WDR62: variants seen among roughly 807,000 people sequenced by gnomAD.
WDR62 encodes WD repeat domain 62.
A neutral mutation model predicts 160.6 loss-of-function variants in WDR62; 112 were observed. The ratio of observed to expected loss-of-function variants is 0.70; its 90% confidence interval spans 0.60 to 0.82. WDR62 has a LOEUF of 0.82. Among genes scored for constraint, WDR62 ranks in the 40% least tolerant of loss-of-function variants. The pLI is 0.00. For synonymous variants in WDR62, 792 were observed against 815.1 expected, an observed-to-expected ratio of 0.97 and a Z score of 0.48; for missense variants, 1,819 against 1,983.8, an observed-to-expected ratio of 0.92 and a Z score of 1.58.
rs371325489 is a variant in WDR62 at position 36,104,540 on chromosome 19, C to G, written c.4176C>G (p.Gly1392=). The change falls in exon 31 of 32, where the codon GGC becomes GGG. Residue 1392 remains glycine, a synonymous_variant. Transcript: ENST00000401500. ...PTSGALGLLQ[G]SPARWSEPWV... ...CAGGTGCACTTGGTCTGTTACAGGG[C>G]AGCCCTGCCCGCTGGAGTGAGCCCT... The G allele has an allele frequency of 6.2e-7, 1 of 1,613,786 alleles. No individual in the cohort carries two copies. Among genetic ancestry groups the G allele is most frequent in the Non-Finnish European group, 8.5e-7 (1 of 1,180,000 alleles).
At chr19:36,103,312 G>A in intron 29 of WDR62, 31 bp from the exon 30 acceptor site, 2 of 1,613,134 alleles carry the variant, frequency 1.2e-6, no homozygotes, top group Non-Finnish European at 8.5e-7. Context: ...GTTCTGTGTG[G>A]TGGAGTCAGT....
chr19:36,074,161 G>A (rs1259738735), intron 9 of WDR62: 1 of 215,746 alleles, frequency 4.6e-6, no homozygotes, highest in Non-Finnish European at 9.4e-6. Context: ...AGCCAGGCAT[G>A]GTAGCACACA....
intron 3 of WDR62, among the ~76,000 whole-genome samples, chr19:36,064,547 G>A (rs1489262099): frequency 6.6e-6 from 1 of 151,866 alleles, no homozygotes; most frequent in East Asian, 1.9e-4. Context: ...CCAAAGTGCT[G>A]GGATTACAGG....
At position 36,079,950 on chromosome 19, in the gene WDR62, C is replaced by T. The variant is rs118013356; in HGVS notation, c.1234-1483C>T. Among the ~76,000 whole-genome samples the T allele has an allele frequency of 4.6e-5, 7 of 152,250 alleles. No individual in the cohort carries two copies. In the East Asian group the frequency reaches 1.2e-3, roughly 25 times the overall value. On this transcript the variant is annotated intron_variant, in intron 9 of 31. Transcript: ENST00000401500. ...TTAAAAAAATTAATGCCGCTACTAT[C>T]ATCTTCCCAGTTCTCAATCTTCCGT...
At chr19:36,059,751 C>G (rs529750677) in intron 2 of WDR62, among the ~76,000 whole-genome samples, 1 of 152,324 alleles carries the variant, frequency 6.6e-6, no homozygotes, top group South Asian at 2.1e-4. Context: ...GCCTGACAGA[C>G]ATTACCTCAG....
chr19:36,069,174 A>C (rs1179514165), intron 7 of WDR62, among the ~76,000 whole-genome samples: 1 of 136,500 alleles, frequency 7.3e-6, no homozygotes, highest in African/African-American at 3.2e-5. Flanking sequence ...GCGGGGGCTG[A>C]CCCCCACCTC....
chr19:36,110,761 G>T, the WDR62 span, among the ~76,000 whole-genome samples: 1 of 152,160 alleles, frequency 6.6e-6, no homozygotes, highest in Non-Finnish European at 1.5e-5. Flanking sequence ...ACAGCAGGGG[G>T]CCCCTTCAGT....
rs1971406975 is a variant in WDR62 at position 36,073,453 on chromosome 19, C to G, written c.1155C>G (p.Ile385Met). Residue 385 changes from isoleucine to methionine, a missense_variant, in exon 9 of 32, where the codon ATC (isoleucine) becomes ATG (methionine). Transcript: ENST00000401500. ...SCVYKDHSIY[I>M]WDVKDINRVG... is the part of the protein sequence containing the mutation. ...TGTATAAGGACCACAGCATCTACAT[C>G]TGGGATGTCAAGGACATCAACAGAG... 2 of 1,614,106 alleles carry G rather than the reference C, an allele frequency of 1.2e-6. No individual in the cohort carries two copies. Among genetic ancestry groups the G allele is most frequent in the Non-Finnish European group, 1.7e-6 (2 of 1,180,004 alleles).
At chr19:36,068,208 C>G (rs981726946) in intron 7 of WDR62, among the ~76,000 whole-genome samples, 198 bp downstream of exon 7, 2 of 152,160 alleles carry the variant, frequency 1.3e-5, no homozygotes, top group Non-Finnish European at 2.9e-5. Flanking sequence ...AAGGAAGTCA[C>G]GTGAGATAAC....
rs201531251 is a variant in WDR62, at chr19:36,103,933, C to T, written c.4105C>T (p.Arg1369Trp). The T allele has an allele frequency of 1.3e-5, 21 of 1,598,942 alleles. No homozygotes were observed. Among genetic ancestry groups the T allele is most frequent in the African/African-American group, 6.7e-5 (5 of 74,924 alleles). The change falls in exon 30 of 32, where the codon CGG becomes TGG. Residue 1369 changes from arginine to tryptophan, a missense_variant. By Grantham distance (101) the Arg-to-Trp change is moderately radical (BLOSUM62 -3). Coordinates refer to ENST00000401500, the MANE Select transcript of WDR62 (RefSeq NM_001083961.2). ...HPSNPQLPEA[R>W]PGIPGGTASL... The stretch of plus-strand genomic sequence containing the variant: ...CAGTAACCCCCAGCTTCCAGAGGCC[C>T]GGCCTGGCATCCCTGGCGGCACTGC...
chr19:36,093,937 A>G (rs985805705), intron 19 of WDR62, 94 bp from the exon 20 acceptor site: 1 of 1,504,608 alleles, frequency 6.6e-7, no homozygotes, highest in South Asian at 1.1e-5. Flanking sequence ...ATATGTTCAC[A>G]TGGAGCTTAG....
intron 12 of WDR62, 60 bp from the exon 13 acceptor site, chr19:36,086,627 C>T: frequency 6.4e-7 from 1 of 1,556,080 alleles, no homozygotes; most frequent in African/African-American, 1.4e-5. Context: ...CACTGCCCTT[C>T]TGGGAGGCCA....
intron 19 of WDR62, among the ~76,000 whole-genome samples, 161 bp downstream of exon 19, chr19:36,092,972 A>G (rs1972724920): frequency 6.6e-6 from 1 of 152,170 alleles, no homozygotes; most frequent in African/African-American, 2.4e-5. Context: ...CAGTTACAGT[A>G]ATAGATACAA....
downstream of WDR62, among the ~76,000 whole-genome samples, chr19:36,106,631 T>G (rs1973720417): frequency 6.6e-6 from 1 of 152,096 alleles, no homozygotes; most frequent in Admixed American, 6.6e-5. Context: ...GCACAGCCAG[T>G]GCACAGGCCT....
At chr19:36,102,449 A>G in intron 26 of WDR62, 1 of 581,344 alleles carries the variant, frequency 1.7e-6, no homozygotes, top group South Asian at 2.0e-5. Flanking sequence ...TTTAGTAGAG[A>G]TGAGGTTTCA....
chr19:36,067,781 G>A (rs770007984), intron 6 of WDR62, 47 bp from the exon 7 acceptor site: 2 of 1,603,362 alleles, frequency 1.2e-6, no homozygotes, highest in Admixed American at 1.7e-5. Context: ...GTCATGCAGG[G>A]CCCAGCTGTG....
intron 1 of WDR62, 52 bp downstream of exon 1, chr19:36,055,200 C>G: frequency 1.9e-6 from 3 of 1,556,670 alleles, no homozygotes; most frequent in Non-Finnish European, 2.6e-6. Flanking sequence ...CTAGGTTTCC[C>G]CTAGTCCCGT....
intron 5 of WDR62, 28 bp from the exon 6 acceptor site, chr19:36,067,278 A>T (rs370328817): frequency 2.5e-5 from 40 of 1,613,868 alleles, no homozygotes; most frequent in Non-Finnish European, 3.0e-5. Context: ...GAGTGCTGGC[A>T]TGAGCTTCTC....
At chr19:36,064,252 G>A (rs2145565611) in intron 3 of WDR62, among the ~76,000 whole-genome samples, 1 of 152,278 alleles carries the variant, frequency 6.6e-6, no homozygotes, top group South Asian at 2.1e-4. Flanking sequence ...CCCAGGGGCT[G>A]TGTCTCTGAA....
Sources: gnomAD v4.1 joint callset for allele counts (sites outside exome capture counted in the v4.1 genomes callset) on GRCh38, gnomAD v4.1.1 for gene constraint, MANE v1.5 for transcripts, NCBI Gene and HGNC (gene_info 2026-07-23, HGNC 2026-07-21) for gene names.